CASZ1: variants seen among roughly 807,000 people sequenced by gnomAD.
CASZ1 encodes castor zinc finger 1, also known as zinc finger protein castor homolog 1.
Under a neutral mutation model 135.2 loss-of-function variants are expected in CASZ1, and 28 were observed. The ratio of observed to expected loss-of-function variants is 0.21; its 90% CI spans 0.15 to 0.28. The LOEUF is 0.28. Among genes scored for constraint, CASZ1 ranks in the 10% least tolerant of loss-of-function variants. The probability of loss-of-function intolerance (pLI) is 1.00; values close to 1 mark genes in which losing one functional copy is unlikely to be tolerated. For missense variants in CASZ1, 2,161 were observed against 2,453.3 expected (o/e 0.88, Z 2.52); for synonymous variants, 1,068 against 1,073.4 (o/e 0.99, Z 0.10).
Position 10,660,063 on chromosome 1 carries a change from G to T in CASZ1, c.979C>A (p.Pro327Thr), listed in dbSNP as rs1642962904. ...TTCTTGTAGGTGCTCCCGTTCTGGG[G>T]CCGCAGATTCTCGCCGGTCTTCAGT... is the stretch of plus-strand genomic sequence containing the variant. ...QKLKTGENLR[P>T]QNGSTYKKPS... The change falls in exon 6 of 21, where the codon CCC becomes ACC. Residue 327 changes from proline to threonine, a missense_variant. By Grantham distance (38) the Pro-to-Thr change is conservative. Transcript: ENST00000377022. 6.2e-7 allele frequency: 1 copy of T among 1,614,058 alleles called. No homozygotes were observed. Among genetic ancestry groups the T allele is most frequent in the Non-Finnish European group, 8.5e-7 (1 of 1,180,022 alleles).
rs1640404758 is a variant in CASZ1 at position 10,762,887 on chromosome 1, G to A, written c.-233-2030C>T. Among the ~76,000 whole-genome samples, 1 of 152,334 alleles carries A rather than the reference G, an allele frequency of 6.6e-6. No individual in the cohort carries two copies. The highest frequency in any genetic ancestry group is 2.1e-4 in the South Asian group (1 of 4,826). On this transcript the variant is annotated intron_variant, in intron 1 of 20. Transcript: ENST00000377022. This position sits in a 1 kb window ranked among gnomAD's most constrained non-coding sequence, Gnocchi z 4.1. Reference sequence around the variant, plus strand: ...AGGTTCCAGCTATGGAAGGAAAGGGGGCTCCAGGCCCTGGTGGGACGCTCG... The same window carrying A: ...AGGTTCCAGCTATGGAAGGAAAGGGAGCTCCAGGCCCTGGTGGGACGCTCG...
rs568013803 is a variant in CASZ1, at chr1:10,693,375, C to T, written c.16+499G>A. Reference sequence around the variant, plus strand: ...AAATTCCTTTACCTTGAGACAGTCGCCCCGAAACCAGACTAACCACCTTTC... The same window carrying T: ...AAATTCCTTTACCTTGAGACAGTCGTCCCGAAACCAGACTAACCACCTTTC... On this transcript the variant is annotated intron_variant, in intron 4 of 20. Transcript: ENST00000377022. 2.0e-5 allele frequency among the ~76,000 whole-genome samples: 3 copies of T among 151,998 alleles called. No homozygotes were observed. The East Asian group carries it at 5.8e-4, about 29-fold the overall frequency.
chr1:10,675,551 T>G (rs1032404100), intron 4 of CASZ1, among the ~76,000 whole-genome samples: 1 of 151,936 alleles, frequency 6.6e-6, no homozygotes, highest in Non-Finnish European at 1.5e-5. Flanking sequence ...CTCGGTCACA[T>G]CCGGCCAACT....
At chr1:10,733,998 C>T (rs572268751) in intron 2 of CASZ1, among the ~76,000 whole-genome samples, 1 of 152,196 alleles carries the variant, frequency 6.6e-6, no homozygotes, top group Admixed American at 6.5e-5. Flanking sequence ...TAGTCTCACC[C>T]CTAACAGGTC....
Position 10,720,092 on chromosome 1 carries a change from G to A in CASZ1, c.-76-14548C>T, listed in dbSNP as rs375421355. 2.0e-5 allele frequency among the ~76,000 whole-genome samples: 3 copies of A among 152,238 alleles called. No individual in the cohort carries two copies. Among genetic ancestry groups the A allele is most frequent in the African/African-American group, 2.4e-5 (1 of 41,460 alleles). The stretch of plus-strand genomic sequence containing the variant: ...GCCTGGCCACAGAGAGCTTGGATCC[G>A]GCTGCAAGTTCTGAAGTCTGGTAGG... On this transcript the variant is annotated intron_variant, in intron 2 of 20. Transcript: ENST00000377022. The surrounding 1 kb of genome is among the most constrained non-coding windows in gnomAD (Gnocchi z 5.7).
intron 4 of CASZ1, among the ~76,000 whole-genome samples, chr1:10,671,378 T>C (rs116756239): frequency 0.023 from 3,555 of 152,302 alleles, 74 homozygotes; most frequent in African/African-American, 0.051. Context: ...TATATTCACA[T>C]GTGCACATGT....
At chr1:10,769,386 T>G (rs1046821530) in intron 1 of CASZ1, among the ~76,000 whole-genome samples, 4 of 152,166 alleles carry the variant, frequency 2.6e-5, no homozygotes, top group African/African-American at 9.7e-5. Flanking sequence ...CTTTAATGAA[T>G]GAAAGTTTAA....
At chr1:10,715,511 A>G (rs561026135) in intron 2 of CASZ1, among the ~76,000 whole-genome samples, 304 of 141,894 alleles carry the variant, frequency 2.1e-3, no homozygotes, top group Middle Eastern at 3.8e-3. Flanking sequence ...CACCCAATCC[A>G]CACCCCACAG....
intron 1 of CASZ1, among the ~76,000 whole-genome samples, chr1:10,775,753 C>A (rs898998838): frequency 6.6e-6 from 1 of 152,136 alleles, no homozygotes. Context: ...GATGTCAGGA[C>A]AAGAAGGAGG....
chr1:10,671,515 T>G (rs1256949141), intron 4 of CASZ1, among the ~76,000 whole-genome samples: 1 of 152,144 alleles, frequency 6.6e-6, no homozygotes, highest in Non-Finnish European at 1.5e-5. Context: ...CTGGGCTGAC[T>G]CTCAGTGCCT....
chr1:10,691,462 C>A (rs770818223), intron 4 of CASZ1, among the ~76,000 whole-genome samples: 5 of 152,172 alleles, frequency 3.3e-5, no homozygotes, highest in Non-Finnish European at 1.5e-5. Flanking sequence ...TGTCCGGGGC[C>A]GCGGGGATGT....
rs1212625170 is a variant in CASZ1 at position 10,700,111 on chromosome 1, A to ACACACACACACACACACACACACCCACC, written c.-24+5380_-24+5381insGGTGGGTGTGTGTGTGTGTGTGTGTGTG. Among the ~76,000 whole-genome samples, 12 of 152,022 alleles carry ACACACACACACACACACACACACCCACC rather than the reference A, an allele frequency of 7.9e-5. No individual in the cohort carries two copies. The East Asian group carries it at 2.0e-3, about 25-fold the overall frequency. On this transcript the variant is annotated intron_variant, in intron 3 of 20. Coordinates refer to ENST00000377022, the MANE Select transcript of CASZ1 (RefSeq NM_001079843.3). The surrounding 1 kb of genome is among the most constrained non-coding windows in gnomAD (Gnocchi z 4.2). ...CACACACACACACACACACACACAC[A>ACACACACACACACACACACACACCCACC]CACACAGAGTATGAAGCAGGGACCT... is the stretch of plus-strand genomic sequence containing the variant.
chr1:10,769,697 A>G (rs1640540547), intron 1 of CASZ1, among the ~76,000 whole-genome samples: 1 of 152,060 alleles, frequency 6.6e-6, no homozygotes. Context: ...TTGTATTTTT[A>G]GTAGAGACAG....
chr1:10,761,882 G>A (rs1009087335), intron 1 of CASZ1, among the ~76,000 whole-genome samples: 7 of 152,142 alleles, frequency 4.6e-5, no homozygotes, highest in African/African-American at 1.2e-4. Flanking sequence ...CCCTGCCTGC[G>A]GAGCTGGCAT....
At chr1:10,640,968 C>A (rs747557851) in intron 20 of CASZ1, among the ~76,000 whole-genome samples, 1 of 152,154 alleles carries the variant, frequency 6.6e-6, no homozygotes, top group Non-Finnish European at 1.5e-5. Flanking sequence ...TGGCTCCCCA[C>A]GCCACCCTCC....
chr1:10,645,131 C>T (rs1286181039), intron 17 of CASZ1, 43 bp from the exon 18 acceptor site: 1 of 1,584,394 alleles, frequency 6.3e-7, no homozygotes, highest in Non-Finnish European at 8.6e-7. Context: ...GGGTGACTTT[C>T]AAGAGCTCCT....
intron 4 of CASZ1, among the ~76,000 whole-genome samples, chr1:10,684,675 G>A (rs879666991): frequency 3.9e-5 from 6 of 152,316 alleles, no homozygotes; most frequent in Middle Eastern, 3.4e-3. Context: ...TCATCCTATC[G>A]CGAGACACCA....
In CASZ1 at chr1:10,659,750, G is replaced by T; in HGVS notation, c.1292C>A (p.Thr431Asn). The T allele has an allele frequency of 6.2e-7, 1 of 1,614,066 alleles. No individual in the cohort carries two copies. The highest frequency in any genetic ancestry group is 1.3e-5 in the African/African-American group (1 of 75,044). Residue 431 changes from threonine (T) to asparagine (N), a missense_variant, in exon 6 of 21, where the codon ACC (threonine) becomes AAC (asparagine). Around this residue, in one of 7 missense-constraint regions of CASZ1, gnomAD observed 248 missense variants for 410.8 expected, o/e 0.60. Transcript: ENST00000377022. The part of the protein sequence containing the change: ...SFNTPEYLKS[T>N]FSKTDSITTG... ...GGTGATGGAGTCTGTTTTGGAGAAGGTTGACTTCAGGTACTCGGGAGTGTT... is the reference window on the plus strand; with the variant it reads ...GGTGATGGAGTCTGTTTTGGAGAAGTTTGACTTCAGGTACTCGGGAGTGTT...
chr1:10,729,870 C>T (rs1477529996), intron 2 of CASZ1, among the ~76,000 whole-genome samples: 1 of 152,100 alleles, frequency 6.6e-6, no homozygotes, highest in Non-Finnish European at 1.5e-5. Context: ...GGCTGGAGTG[C>T]AGCGGTGCTA....
Sources: gnomAD v4.1 joint callset for allele counts (sites outside exome capture counted in the v4.1 genomes callset) on GRCh38, gnomAD v4.1.1 for gene constraint, gnomAD v4.1.1 regional missense constraint, Gnocchi (gnomAD v3.1) non-coding constraint, MANE v1.5 for transcripts, NCBI Gene and HGNC (gene_info 2026-07-23, HGNC 2026-07-21) for gene names.